Variants in CNGB3 observed in about 807,000 individuals in gnomAD.
CNGB3 encodes cyclic nucleotide gated channel subunit beta 3.
In CNGB3, 86 loss-of-function variants were observed where a neutral mutation model predicts 92.8. The ratio of observed to expected loss-of-function variants is 0.93; its 90% CI spans 0.78 to 1.11. The LOEUF is 1.11. Ranked by LOEUF, CNGB3 falls within the 50% of genes least tolerant of loss-of-function variation. The pLI is 0.00. For missense variants in CNGB3, 1,026 were observed against 956.8 expected (o/e 1.07, Z -0.95); for synonymous variants, 333 against 332.7 (o/e 1.00, Z -0.01).
rs898402413 is a variant in CNGB3, at chr8:86,743,544, T to C, written c.84A>G (p.Glu28=). 1 of 1,614,064 alleles carries C rather than the reference T, an allele frequency of 6.2e-7. No homozygotes were observed. The highest frequency in any genetic ancestry group is 8.5e-7 in the Non-Finnish European group (1 of 1,179,922). The change falls in exon 1 of 18, where the codon GAA becomes GAG. Residue 28 remains glutamate, a synonymous_variant. Transcript: ENST00000320005. ...ACTGATTACTTGGGTGAGAGCCTTC[T>C]TCATTCCGACGAGAACTTTGTTCAT... ...NENEQSSRRN[E]EGSHPSNQSQ...
rs190864281 is a variant in CNGB3 at position 86,575,989 on chromosome 8, T to C, written c.2245A>G (p.Lys749Glu). ...DKDKGREPEEKPLDRPECTAS... is the reference protein window; with the variant it reads ...DKDKGREPEEEPLDRPECTAS... ...GTACATTCAGGTCTGTCCAGTGGCT[T>C]CTCTTCTGGCTCTCTTCCTTTATCT... The change falls in exon 18 of 18, where the codon AAG becomes GAG. Residue 749 changes from lysine (K) to glutamate (E), a missense_variant. Physicochemically the swap from Lys to Glu is moderately conservative, Grantham distance 56 (BLOSUM62 1). Coordinates refer to ENST00000320005, the MANE Select transcript of CNGB3 (RefSeq NM_019098.5). The C allele has an allele frequency of 1.3e-4, 209 of 1,614,034 alleles. 1 individual carries two copies. The highest frequency in any genetic ancestry group is 1.7e-4 in the Non-Finnish European group (195 of 1,179,980).
At chr8:86,678,143 T>G (rs1563751453) in intron 3 of CNGB3, among the ~76,000 whole-genome samples, 1 of 152,122 alleles carries the variant, frequency 6.6e-6, no homozygotes, top group Non-Finnish European at 1.5e-5. Flanking sequence ...TCTTTTGCCA[T>G]GTTTAGGCAA....
intron 2 of CNGB3, among the ~76,000 whole-genome samples, chr8:86,737,590 G>A (rs770924359): frequency 2.0e-4 from 31 of 152,058 alleles, no homozygotes; most frequent in African/African-American, 6.0e-4. Context: ...AATTAAAAAC[G>A]TAAAAAACCT....
intron 3 of CNGB3, among the ~76,000 whole-genome samples, chr8:86,715,202 C>G (rs764793286): frequency 2.0e-5 from 3 of 152,122 alleles, no homozygotes; most frequent in Non-Finnish European, 4.4e-5. Context: ...CTGATGCGCT[C>G]TTGAAAGCAC....
At chr8:86,694,896 G>C (rs553970864) in intron 3 of CNGB3, among the ~76,000 whole-genome samples, 26 of 151,976 alleles carry the variant, frequency 1.7e-4, no homozygotes, top group Non-Finnish European at 3.8e-4. Flanking sequence ...CCCAGACGGG[G>C]TGGCGCCCGG....
In CNGB3 at chr8:86,743,612, T is replaced by A. The variant is rs1825378828; in HGVS notation, c.16A>T (p.Thr6Ser). 2 of 1,614,010 alleles carry A rather than the reference T, an allele frequency of 1.2e-6. No homozygotes were observed. MFKSL[T>S]KVNKVKPIGE... The stretch of plus-strand genomic sequence containing the variant: ...ATAGGCTTCACCTTGTTGACTTTTG[T>A]CAGCGATTTAAACATCTTCTCTGAG... The change falls in exon 1 of 18, where the codon ACA (threonine) becomes TCA (serine). Residue 6 changes from threonine to serine, a missense_variant. Transcript: ENST00000320005.
At chr8:86,603,786 CAATG>C (rs2131558884) in intron 15 of CNGB3, among the ~76,000 whole-genome samples, 1 of 152,276 alleles carries the variant, frequency 6.6e-6, no homozygotes, top group East Asian at 1.9e-4. Context: ...AATCTGGTAA[CAATG>C]AACCCTCCAA....
chr8:86,678,792 A>G (rs1389000716), intron 3 of CNGB3, among the ~76,000 whole-genome samples: 4 of 152,196 alleles, frequency 2.6e-5, no homozygotes, highest in African/African-American at 9.6e-5. Flanking sequence ...TTTATATTAT[A>G]CACCCATATG....
intron 3 of CNGB3, among the ~76,000 whole-genome samples, chr8:86,699,550 C>CA (rs1824513618): frequency 6.6e-6 from 1 of 152,102 alleles, no homozygotes; most frequent in Non-Finnish European, 1.5e-5. Context: ...TCCAATGAGC[C>CA]ATTTATTGGT....
chr8:86,667,689 G>A (rs969018000), intron 5 of CNGB3, among the ~76,000 whole-genome samples: 2 of 152,234 alleles, frequency 1.3e-5, no homozygotes, highest in Non-Finnish European at 2.9e-5. Flanking sequence ...AATCAACAAT[G>A]TGAAGCCATG....
At chr8:86,662,649 A>G (rs887180955) in intron 6 of CNGB3, among the ~76,000 whole-genome samples, 1 of 152,130 alleles carries the variant, frequency 6.6e-6, no homozygotes, top group African/African-American at 2.4e-5. Context: ...GGAGCCTTGG[A>G]AAGTTTGCTA....
chr8:86,738,729 C>T (rs1825288027), intron 2 of CNGB3, among the ~76,000 whole-genome samples: 1 of 151,784 alleles, frequency 6.6e-6, no homozygotes, highest in Admixed American at 6.6e-5. Context: ...GTCCCAGCTA[C>T]CTGGGAGCCT....
intron 1 of CNGB3, among the ~76,000 whole-genome samples, chr8:86,740,133 C>G (rs908277727): frequency 6.6e-6 from 1 of 152,194 alleles, no homozygotes; most frequent in African/African-American, 2.4e-5. Flanking sequence ...TCTGCCTCAT[C>G]ATTTGTCTGA....
intron 15 of CNGB3, among the ~76,000 whole-genome samples, chr8:86,582,334 C>T (rs1003171186): frequency 1.3e-5 from 2 of 150,028 alleles, no homozygotes; most frequent in East Asian, 2.0e-4. Flanking sequence ...GTGGAGGTTG[C>T]GGTGAGCCAA....
chr8:86,694,632 C>T (rs561222231), intron 3 of CNGB3, among the ~76,000 whole-genome samples: 19 of 151,512 alleles, frequency 1.3e-4, no homozygotes, highest in South Asian at 4.2e-4. Context: ...GGGTCGCGGC[C>T]GGGCAGAGGC....
intron 12 of CNGB3, among the ~76,000 whole-genome samples, chr8:86,628,650 G>A (rs1297478999): frequency 6.6e-6 from 1 of 151,710 alleles, no homozygotes; most frequent in African/African-American, 2.4e-5. Context: ...TTTTTTGTAT[G>A]TGTGACTATA....
intron 3 of CNGB3, among the ~76,000 whole-genome samples, chr8:86,704,816 T>C (rs1824621711): frequency 6.6e-6 from 1 of 152,242 alleles, no homozygotes; most frequent in Non-Finnish European, 1.5e-5. Flanking sequence ...TTTTTAACAT[T>C]GTTACAATGG....
chr8:86,693,078 G>T (rs1438751418), intron 3 of CNGB3, among the ~76,000 whole-genome samples: 1 of 152,084 alleles, frequency 6.6e-6, no homozygotes, highest in Non-Finnish European at 1.5e-5. Context: ...TGGCTTGCAG[G>T]GTTCCTACTG....
At chr8:86,667,652 G>C (rs905814323) in intron 5 of CNGB3, among the ~76,000 whole-genome samples, 2 of 152,208 alleles carry the variant, frequency 1.3e-5, no homozygotes, top group Non-Finnish European at 2.9e-5. Flanking sequence ...CTGGGAGGCT[G>C]CAGGAAAGGA....
Sources: allele counts gnomAD v4.1 joint callset (sites outside exome capture counted in the v4.1 genomes callset), GRCh38; gene constraint gnomAD v4.1.1; transcripts MANE v1.5; gene names NCBI Gene and HGNC (gene_info 2026-07-23, HGNC 2026-07-21).